The following KCNQ5 variants were observed in gnomAD, a reference collection of about 807,000 sequenced individuals.
The protein encoded by KCNQ5 is potassium voltage-gated channel subfamily Q member 5.
Under a neutral mutation model 98.2 loss-of-function variants are expected in KCNQ5, and 30 were observed. The observed-to-expected ratio is 0.31, with a 90% CI of 0.23 to 0.41. The LOEUF is 0.41. Among genes scored for constraint, KCNQ5 ranks in the 10% least tolerant of loss-of-function variants. The pLI, the probability that KCNQ5 is intolerant of heterozygous loss-of-function variation, is 1.00. For synonymous variants in KCNQ5, 458 were observed against 449.4 expected, an observed-to-expected ratio of 1.02 and a Z score of -0.24; for missense variants, 835 against 1,182.5, an observed-to-expected ratio of 0.71 and a Z score of 4.31.
chr6:72,754,932 CT>C (rs936490046), intron 1 of KCNQ5, among the ~76,000 whole-genome samples: 6 of 150,216 alleles, frequency 4.0e-5, no homozygotes, highest in South Asian at 2.1e-4. Context: ...GAGTTTGTCA[CT>C]TTTTTTTTAG....
chr6:73,192,724 C>A, intron 13 of KCNQ5, 33 bp downstream of exon 13: 9 of 1,495,392 alleles, frequency 6.0e-6, no homozygotes, highest in South Asian at 4.3e-5. Context: ...ATCTTTTTAG[C>A]CAGAATTTTT....
At chr6:72,921,198 T>A (rs1780379134) in intron 1 of KCNQ5, among the ~76,000 whole-genome samples, 1 of 152,176 alleles carries the variant, frequency 6.6e-6, no homozygotes, top group African/African-American at 2.4e-5. Flanking sequence ...AGCATAGCCA[T>A]GCTGCTTGAG....
At chr6:73,149,554 T>G (rs1307346979) in intron 10 of KCNQ5, among the ~76,000 whole-genome samples, 2 of 152,018 alleles carry the variant, frequency 1.3e-5, no homozygotes, top group Non-Finnish European at 2.9e-5. Context: ...TCCCAGCACT[T>G]TGGGATGCTG....
intron 1 of KCNQ5, chr6:72,677,104 C>A (rs1418861430): frequency 2.0e-5 from 3 of 152,118 alleles, no homozygotes; most frequent in Non-Finnish European, 2.9e-5. Context: ...GTGGGTCAAC[C>A]AAAACCGCAT....
At chr6:72,968,725 TCTTA>T (rs1352394518) in intron 1 of KCNQ5, among the ~76,000 whole-genome samples, 1 of 152,246 alleles carries the variant, frequency 6.6e-6, no homozygotes, top group African/African-American at 2.4e-5. Flanking sequence ...TGTGTATAGC[TCTTA>T]CTTCCACAAT....
At chr6:73,021,923 TTTTCTGAGA>T (rs1370906572) in intron 2 of KCNQ5, among the ~76,000 whole-genome samples, 1 of 152,172 alleles carries the variant, frequency 6.6e-6, no homozygotes, top group Admixed American at 6.5e-5. Flanking sequence ...TTCCTCATTT[TTTTCTGAGA>T]TTCACTTACC....
chr6:73,029,914 A>AAG lies in KCNQ5; in HGVS notation c.490-12021_490-12020insGA, dbSNP rs1562136376. Among the ~76,000 whole-genome samples the AAG allele has an allele frequency of 3.3e-5, 5 of 151,016 alleles. No homozygotes were observed. In the South Asian group the frequency reaches 1.1e-3, roughly 32 times the overall value. ...AGCCAGACTCCGTCTCAAAAAAAAA[A>AAG]AAAAAAAAAAAAGAGTATACTTGAT... On this transcript the variant is annotated intron_variant, in intron 2 of 13. Coordinates refer to ENST00000370398, the MANE Select transcript of KCNQ5 (RefSeq NM_019842.4).
chr6:72,780,602 A>G (rs1168605320), intron 1 of KCNQ5, among the ~76,000 whole-genome samples: 1 of 152,210 alleles, frequency 6.6e-6, no homozygotes, highest in Non-Finnish European at 1.5e-5. Context: ...TGCTCAATGC[A>G]TCTGGGACAT....
chr6:72,703,797 C>A (rs1561931853), intron 1 of KCNQ5, among the ~76,000 whole-genome samples: 1 of 152,126 alleles, frequency 6.6e-6, no homozygotes, highest in Non-Finnish European at 1.5e-5. Flanking sequence ...TATGGCCCTG[C>A]AAAGAAAGTA....
At chr6:72,780,905 G>A (rs1488468651) in intron 1 of KCNQ5, among the ~76,000 whole-genome samples, 1 of 152,056 alleles carries the variant, frequency 6.6e-6, no homozygotes, top group Non-Finnish European at 1.5e-5. Flanking sequence ...AGAAAAGAAA[G>A]AATGAGCCCC....
intron 1 of KCNQ5, among the ~76,000 whole-genome samples, chr6:72,737,118 G>A (rs977843144): frequency 1.3e-5 from 2 of 151,968 alleles, no homozygotes; most frequent in African/African-American, 2.4e-5. Context: ...CTGCCATCAC[G>A]CCCGGCTAAT....
intron 1 of KCNQ5, chr6:72,987,532 T>C (rs756392129): frequency 1.1e-5 from 7 of 661,232 alleles, no homozygotes; most frequent in Non-Finnish European, 2.0e-5. Context: ...CGCCACCCCC[T>C]CCAAGCCCCG....
chr6:73,086,503 G>C (rs2150400089), intron 5 of KCNQ5, among the ~76,000 whole-genome samples: 1 of 152,216 alleles, frequency 6.6e-6, no homozygotes, highest in Non-Finnish European at 1.5e-5. Flanking sequence ...CAAACATGCA[G>C]AAGTACATCC....
intron 3 of KCNQ5, among the ~76,000 whole-genome samples, chr6:73,069,655 G>A (rs115358067): frequency 0.016 from 2,405 of 152,132 alleles, 25 homozygotes; most frequent in Non-Finnish European, 0.018. Flanking sequence ...CAGACCTCTG[G>A]GCACAAGTGG....
chr6:72,948,124 A>G (rs190318705), intron 1 of KCNQ5, among the ~76,000 whole-genome samples: 1 of 152,220 alleles, frequency 6.6e-6, no homozygotes, highest in Admixed American at 6.5e-5. Context: ...GTCAAATTTC[A>G]TTGTGTCAAA....
At chr6:72,997,926 C>G (rs139102227) in intron 1 of KCNQ5, among the ~76,000 whole-genome samples, 1 of 151,842 alleles carries the variant, frequency 6.6e-6, no homozygotes, top group East Asian at 1.9e-4. Context: ...TCCAAATCAC[C>G]GTTAAAGACA....
intron 1 of KCNQ5, among the ~76,000 whole-genome samples, chr6:72,723,165 T>C (rs930523231): frequency 2.0e-5 from 3 of 152,128 alleles, no homozygotes; most frequent in African/African-American, 7.2e-5. Flanking sequence ...CTGATTTTGG[T>C]AGTCTTTTAT....
At chr6:73,124,968 TATATATATATATAC>T (rs1334925755) in intron 9 of KCNQ5, among the ~76,000 whole-genome samples, 3 of 10,640 alleles carry the variant, frequency 2.8e-4, no homozygotes, top group South Asian at 4.3e-3. Context: ...TATATATATA[TATATATATATATAC>T]ACACACACAC....
intron 1 of KCNQ5, among the ~76,000 whole-genome samples, chr6:72,879,529 A>G (rs756740567): frequency 6.6e-6 from 1 of 152,136 alleles, no homozygotes; most frequent in Non-Finnish European, 1.5e-5. Context: ...GTTAATATAC[A>G]TCTTCTCTTA....
Sources: gnomAD v4.1 joint callset for allele counts (sites outside exome capture counted in the v4.1 genomes callset) on GRCh38, gnomAD v4.1.1 for gene constraint, MANE v1.5 for transcripts, NCBI Gene and HGNC (gene_info 2026-07-23, HGNC 2026-07-21) for gene names.